Variants in CSMD3 observed in about 807,000 individuals in gnomAD.
CSMD3 encodes the protein CUB and sushi domain-containing protein 3.
Under a neutral mutation model 435.2 loss-of-function variants are expected in CSMD3, and 177 were observed. The ratio of observed to expected loss-of-function variants is 0.41; its 90% CI spans 0.36 to 0.46. CSMD3 has a LOEUF of 0.46. Among genes scored for constraint, CSMD3 ranks in the 20% least tolerant of loss-of-function variants. CSMD3 has a pLI of 0.34. For synonymous variants in CSMD3, 1,656 were observed against 1,520.5 expected (o/e 1.09, Z -2.07); for missense variants, 4,265 against 4,504.6 (o/e 0.95, Z 1.52).
intron 4 of CSMD3, among the ~76,000 whole-genome samples, chr8:113,156,766 A>AAATAAAT: frequency 6.7e-6 from 1 of 149,390 alleles, no homozygotes; most frequent in East Asian, 2.0e-4. Flanking sequence ...ATAAATAAAT[A>AAATAAAT]AATAAATAAA....
At chr8:113,139,703 A>G (rs953224498) in intron 4 of CSMD3, among the ~76,000 whole-genome samples, 11 of 151,092 alleles carry the variant, frequency 7.3e-5, no homozygotes, top group Admixed American at 2.6e-4. Flanking sequence ...CTTACGTCCT[A>G]ACATCAAAAT....
chr8:112,681,366 T>A (rs987235328), intron 16 of CSMD3, among the ~76,000 whole-genome samples: 7 of 151,958 alleles, frequency 4.6e-5, no homozygotes, highest in African/African-American at 4.8e-5. Flanking sequence ...TATATCTTTA[T>A]AATAAAATAG....
At chr8:113,120,268 T>G (rs911466762) in intron 4 of CSMD3, among the ~76,000 whole-genome samples, 1 of 152,106 alleles carries the variant, frequency 6.6e-6, no homozygotes, top group Non-Finnish European at 1.5e-5. Context: ...TGACAAAACT[T>G]ATATTGAAAT....
intron 10 of CSMD3, among the ~76,000 whole-genome samples, chr8:112,881,047 T>G (rs1481524799): frequency 3.3e-5 from 5 of 152,078 alleles, no homozygotes; most frequent in Non-Finnish European, 5.9e-5. Context: ...TATGTATATA[T>G]TCAGTCACTC....
intron 32 of CSMD3, among the ~76,000 whole-genome samples, chr8:112,428,506 T>C (rs1044510728): frequency 6.6e-6 from 1 of 152,114 alleles, no homozygotes; most frequent in Non-Finnish European, 1.5e-5. Context: ...ATTCAACAAA[T>C]ATTTATTGAG....
intron 17 of CSMD3, among the ~76,000 whole-genome samples, chr8:112,658,639 T>C (rs1277139191): frequency 2.0e-5 from 3 of 152,112 alleles, no homozygotes; most frequent in Non-Finnish European, 4.4e-5. Flanking sequence ...CTAAGTTCTT[T>C]AAATAAATGA....
intron 13 of CSMD3, among the ~76,000 whole-genome samples, chr8:112,776,753 T>C (rs1011820178): frequency 6.6e-6 from 1 of 151,802 alleles, no homozygotes; most frequent in African/African-American, 2.4e-5. Context: ...GCAATGACCA[T>C]TATATTGTTT....
At chr8:113,187,731 G>T (rs2092528617) in intron 3 of CSMD3, among the ~76,000 whole-genome samples, 2 of 151,890 alleles carry the variant, frequency 1.3e-5, no homozygotes, top group Non-Finnish European at 1.5e-5. Context: ...CACCTAATAT[G>T]TAGGTAACTC....
intron 4 of CSMD3, among the ~76,000 whole-genome samples, chr8:113,111,056 C>T (rs181551018): frequency 6.6e-6 from 1 of 152,256 alleles, no homozygotes; most frequent in East Asian, 1.9e-4. Flanking sequence ...AAAGTCCAAC[C>T]TCCTAATATC....
chr8:112,444,113 T>C (rs1421613657), intron 32 of CSMD3, among the ~76,000 whole-genome samples: 2 of 152,182 alleles, frequency 1.3e-5, no homozygotes, highest in African/African-American at 4.8e-5. Flanking sequence ...TTCTTTTATG[T>C]ATGTAAAAGG....
chr8:112,594,497 G>T (rs76393225), intron 22 of CSMD3, among the ~76,000 whole-genome samples: 2 of 151,974 alleles, frequency 1.3e-5, no homozygotes, highest in Admixed American at 6.6e-5. Context: ...CTGGAAGCTC[G>T]AACTGGGTGT....
At chr8:113,050,251 T>C (rs909461815) in intron 5 of CSMD3, among the ~76,000 whole-genome samples, 7 of 151,994 alleles carry the variant, frequency 4.6e-5, no homozygotes, top group African/African-American at 1.4e-4. Flanking sequence ...TGGGTGTATA[T>C]ACATATATAT....
At chr8:112,478,268 GT>G (rs2130784959) in intron 31 of CSMD3, among the ~76,000 whole-genome samples, 1 of 152,326 alleles carries the variant, frequency 6.6e-6, no homozygotes, top group African/African-American at 2.4e-5. Context: ...ACCTGGAAAT[GT>G]AGAAATGGCT....
intron 32 of CSMD3, among the ~76,000 whole-genome samples, chr8:112,448,892 T>C (rs1815945698): frequency 6.6e-6 from 1 of 152,152 alleles, no homozygotes; most frequent in Non-Finnish European, 1.5e-5. Flanking sequence ...GCCAAAGTGC[T>C]AGAAAGTTGA....
rs550809292 is a variant in CSMD3, at chr8:112,311,177, G to GA, written c.7697-12dup. ...TACTACAGTAGAAAGCTTTTCAAAA[G>GA]AAAAAAAAAATGCTGTTTAATTAAT... On this transcript the variant is annotated splice_polypyrimidine_tract_variant and intron_variant, in intron 49 of 70. Coordinates refer to ENST00000297405, the MANE Select transcript of CSMD3 (RefSeq NM_198123.2). The GA allele has an allele frequency of 8.2e-3, 11,746 of 1,437,706 alleles. 12 individuals are homozygous for GA. Among genetic ancestry groups the GA allele is most frequent in the African/African-American group, 0.017 (1,151 of 69,202 alleles). The allele number at this position is 1,437,706 out of a possible 1,614,324, so 89.1% of individuals were successfully genotyped here.
intron 12 of CSMD3, among the ~76,000 whole-genome samples, chr8:112,808,834 G>A (rs1368263055): frequency 6.6e-6 from 1 of 151,888 alleles, no homozygotes; most frequent in Non-Finnish European, 1.5e-5. Context: ...TCTCTCGGTC[G>A]CCAGCAATAA....
At chr8:112,749,839 T>C (rs1469971973) in intron 13 of CSMD3, among the ~76,000 whole-genome samples, 1 of 148,106 alleles carries the variant, frequency 6.8e-6, no homozygotes, top group Non-Finnish European at 1.5e-5. Context: ...GTTTTCTTCC[T>C]ACCAAAAGAA....
At chr8:113,353,460 C>T (rs529217970) in intron 1 of CSMD3, among the ~76,000 whole-genome samples, 2 of 152,246 alleles carry the variant, frequency 1.3e-5, no homozygotes, top group Non-Finnish European at 2.9e-5. Flanking sequence ...TAATTATATA[C>T]AACACTGAAA....
chr8:112,422,705 C>A (rs1812647214), intron 32 of CSMD3, among the ~76,000 whole-genome samples: 1 of 152,126 alleles, frequency 6.6e-6, no homozygotes, highest in South Asian at 2.1e-4. Flanking sequence ...ATGTACACTC[C>A]CAACAAATAC....
Sources: gnomAD v4.1 joint callset for allele counts (sites outside exome capture counted in the v4.1 genomes callset) on GRCh38, gnomAD v4.1.1 for gene constraint, MANE v1.5 for transcripts, NCBI Gene and HGNC (gene_info 2026-07-23, HGNC 2026-07-21) for gene names.